Variants in SLC14A2 observed in about 807,000 individuals in gnomAD.
The protein encoded by SLC14A2 is solute carrier family 14 member 2, also known as urea transporter 2.
In SLC14A2, 91 loss-of-function variants were observed where a neutral mutation model predicts 104.6. The ratio of observed to expected loss-of-function variants is 0.87; its 90% CI spans 0.73 to 1.04. SLC14A2 has a LOEUF of 1.04. Among genes scored for constraint, SLC14A2 ranks in the 50% least tolerant of loss-of-function variants. SLC14A2 has a pLI of 0.00. For missense variants in SLC14A2, 1,189 were observed against 1,156.0 expected (o/e 1.03, Z -0.41); for synonymous variants, 476 against 466.4 (o/e 1.02, Z -0.27).
chr18:45,677,723 G>T (rs1396986295), intron 18 of SLC14A2, among the ~76,000 whole-genome samples: 2 of 152,218 alleles, frequency 1.3e-5, no homozygotes, highest in Non-Finnish European at 2.9e-5. Flanking sequence ...CGCTCTCAGA[G>T]AATAAGCTGC....
chr18:45,196,744 C>A, the SLC14A2 span, among the ~76,000 whole-genome samples: 3 of 152,178 alleles, frequency 2.0e-5, no homozygotes, highest in Admixed American at 6.5e-5. Flanking sequence ...AGAGTTAATT[C>A]TCTAGTGCCT....
In SLC14A2 at chr18:45,455,661, G is replaced by A. The variant is rs201457204; in HGVS notation, c.-124-27572G>A. 0.013 allele frequency among the ~76,000 whole-genome samples: 1,121 copies of A among 88,368 alleles called. 19 individuals are homozygous for A. The South Asian group carries it at 0.16, about 12-fold the overall frequency. The allele number at this position is 88,368 out of a possible 152,430, so 58.0% of individuals were successfully genotyped here. On this transcript the variant is annotated intron_variant, in intron 1 of 20. Coordinates refer to the SLC14A2 transcript ENST00000586448. ...GCATAATAATAATAATAATAATAAA[G>A]TAAAAAAAAAATCTATTGAGCATTT...
intron 2 of SLC14A2, among the ~76,000 whole-genome samples, chr18:45,492,818 T>C (rs1357668892): frequency 1.3e-5 from 2 of 152,216 alleles, no homozygotes; most frequent in African/African-American, 4.8e-5. Flanking sequence ...AAAAAGAGGA[T>C]AGATGAGGTG....
intron 1 of SLC14A2, among the ~76,000 whole-genome samples, chr18:45,419,540 G>A (rs2086317052): frequency 6.6e-6 from 1 of 152,210 alleles, no homozygotes; most frequent in African/African-American, 2.4e-5. Flanking sequence ...TTGGGAGGCT[G>A]AGGCAGGCGG....
chr18:45,485,448 G>C (rs540403565), intron 2 of SLC14A2: 1 of 152,276 alleles, frequency 6.6e-6, no homozygotes, highest in African/African-American at 2.4e-5. Flanking sequence ...TTGCACCTGG[G>C]TTGGTGAGGA....
chr18:45,241,397 T>G (rs1026493078), intron 1 of SLC14A2, among the ~76,000 whole-genome samples: 2 of 152,154 alleles, frequency 1.3e-5, no homozygotes, highest in Non-Finnish European at 2.9e-5. Context: ...GCTGAGGGCC[T>G]GAATCAGGTG....
At chr18:45,537,650 AGAG>A (rs750730092) in intron 2 of SLC14A2, among the ~76,000 whole-genome samples, 1 of 152,214 alleles carries the variant, frequency 6.6e-6, no homozygotes, top group Non-Finnish European at 1.5e-5. Flanking sequence ...AATTTTGTTC[AGAG>A]GAGTGTCATG....
chr18:45,368,397 C>G (rs2085687981), intron 1 of SLC14A2, among the ~76,000 whole-genome samples: 1 of 152,192 alleles, frequency 6.6e-6, no homozygotes, highest in South Asian at 2.1e-4. Context: ...CTCAGAAACT[C>G]TGGTCCCTTA....
intron 15 of SLC14A2, 40 bp downstream of exon 15, chr18:45,668,517 G>A: frequency 6.2e-7 from 1 of 1,609,636 alleles, no homozygotes; most frequent in South Asian, 1.1e-5. Flanking sequence ...CATATCAATG[G>A]CCACCAACCT....
intron 1 of SLC14A2, among the ~76,000 whole-genome samples, chr18:45,465,511 C>T (rs1282725988): frequency 6.6e-6 from 1 of 152,146 alleles, no homozygotes; most frequent in Non-Finnish European, 1.5e-5. Flanking sequence ...CTCCTCTGGC[C>T]TCCCAAAGCA....
intron 1 of SLC14A2, among the ~76,000 whole-genome samples, chr18:45,409,020 G>T (rs541986906): frequency 6.6e-6 from 1 of 152,120 alleles, no homozygotes; most frequent in African/African-American, 2.4e-5. Flanking sequence ...TTCTTGGACC[G>T]TTCACATACC....
At chr18:45,371,272 C>G (rs749495735) in intron 1 of SLC14A2, among the ~76,000 whole-genome samples, 11 of 152,192 alleles carry the variant, frequency 7.2e-5, no homozygotes, top group Non-Finnish European at 8.8e-5. Context: ...TCCTGTTCTC[C>G]AAACCTTGTT....
At chr18:45,592,005 T>C (rs1198505307) in intron 2 of SLC14A2, among the ~76,000 whole-genome samples, 1 of 152,178 alleles carries the variant, frequency 6.6e-6, no homozygotes, top group African/African-American at 2.4e-5. Context: ...AGCCAGATGA[T>C]ACAGGAACAG....
At chr18:45,391,656 T>A (rs1201372066) in intron 1 of SLC14A2, among the ~76,000 whole-genome samples, 1 of 152,190 alleles carries the variant, frequency 6.6e-6, no homozygotes, top group Non-Finnish European at 1.5e-5. Context: ...TGGTTTTGAT[T>A]TGCATCTCTC....
At chr18:45,454,683 AG>A (rs2086913013) in intron 1 of SLC14A2, among the ~76,000 whole-genome samples, 1 of 152,158 alleles carries the variant, frequency 6.6e-6, no homozygotes, top group Admixed American at 6.5e-5. Flanking sequence ...TTTTTGTATA[AG>A]GTGTACGGAA....
At chr18:45,522,408 G>T (rs923945930) in intron 2 of SLC14A2, among the ~76,000 whole-genome samples, 1 of 152,190 alleles carries the variant, frequency 6.6e-6, no homozygotes, top group Non-Finnish European at 1.5e-5. Flanking sequence ...ACCTGGGAGA[G>T]TTTGAGCCCT....
chr18:45,411,569 C>G (rs1265989100), intron 1 of SLC14A2, among the ~76,000 whole-genome samples: 1 of 152,190 alleles, frequency 6.6e-6, no homozygotes, highest in Non-Finnish European at 1.5e-5. Flanking sequence ...CTCTTTTCTT[C>G]TAGATCGCTA....
chr18:45,495,496 G>A (rs1408671209), intron 2 of SLC14A2, among the ~76,000 whole-genome samples: 2 of 152,178 alleles, frequency 1.3e-5, no homozygotes, highest in African/African-American at 2.4e-5. Context: ...TACAAAGCAA[G>A]GTGAGGGGTT....
chr18:45,614,315 G>C (rs781163249), upstream of SLC14A2, among the ~76,000 whole-genome samples: 2 of 152,244 alleles, frequency 1.3e-5, no homozygotes, highest in African/African-American at 2.4e-5. Context: ...TGCTGCAGGG[G>C]TAGAGACCTC....
Sources: gnomAD v4.1 joint callset for allele counts (sites outside exome capture counted in the v4.1 genomes callset) on GRCh38, gnomAD v4.1.1 for gene constraint, MANE v1.5 for transcripts, NCBI Gene and HGNC (gene_info 2026-07-23, HGNC 2026-07-21) for gene names.